RBMS3: variants seen among roughly 807,000 people sequenced by gnomAD.
RBMS3 encodes the protein RNA binding motif single stranded interacting protein 3, also known as RNA-binding motif, single-stranded-interacting protein 3.
RBMS3 carries 27 observed loss-of-function variants against 66.8 expected under a neutral mutation model. The observed-to-expected ratio is 0.40, with a 90% confidence interval of 0.30 to 0.56. RBMS3 has a LOEUF of 0.56. RBMS3 is among the 20% of genes least tolerant of loss of function. The pLI, the probability that RBMS3 is intolerant of heterozygous loss-of-function variation, is 0.40. For missense variants in RBMS3, 513 were observed against 549.5 expected, an observed-to-expected ratio of 0.93 and a Z score of 0.66; for synonymous variants, 188 against 183.0, an observed-to-expected ratio of 1.03 and a Z score of -0.22.
chr3:29,832,467 A>G (rs961436373), intron 6 of RBMS3, among the ~76,000 whole-genome samples: 4 of 151,224 alleles, frequency 2.6e-5, no homozygotes, highest in African/African-American at 9.7e-5. Context: ...CTGTTGGAGC[A>G]AAAGGTATCC....
intron 7 of RBMS3, among the ~76,000 whole-genome samples, chr3:29,877,726 TCTC>T (rs1187455725): frequency 6.6e-6 from 1 of 152,100 alleles, no homozygotes. Flanking sequence ...CATTCAGTAG[TCTC>T]CTGACTGTGC....
chr3:29,536,383 A>G (rs555447943), intron 3 of RBMS3, among the ~76,000 whole-genome samples: 89 of 152,254 alleles, frequency 5.8e-4, no homozygotes, highest in African/African-American at 2.0e-3. Flanking sequence ...AGACTGGCCA[A>G]AAAAAATTTA....
chr3:29,346,090 G>A (rs61380077), intron 1 of RBMS3, among the ~76,000 whole-genome samples: 3,659 of 152,250 alleles, frequency 0.024, 161 homozygotes, highest in African/African-American at 0.083. Context: ...GTGCAGCCAC[G>A]TTCAAGAAAC....
chr3:29,321,638 A>C (rs1342492680), intron 1 of RBMS3, among the ~76,000 whole-genome samples: 1 of 152,168 alleles, frequency 6.6e-6, no homozygotes, highest in Non-Finnish European at 1.5e-5. Context: ...GTTCTGTGTA[A>C]GATGAACACC....
chr3:29,421,969 CT>C, intron 1 of RBMS3, among the ~76,000 whole-genome samples: 1 of 152,178 alleles, frequency 6.6e-6, no homozygotes, highest in Non-Finnish European at 1.5e-5. Context: ...TATAAAAATG[CT>C]TTAGGATTTA....
At chr3:29,959,717 C>A (rs1055712461) in intron 12 of RBMS3, among the ~76,000 whole-genome samples, 1 of 152,166 alleles carries the variant, frequency 6.6e-6, no homozygotes, top group East Asian at 1.9e-4. Context: ...AACTTACAAT[C>A]GTGGTGGAAG....
At chr3:29,557,650 C>T (rs1264212148) in intron 3 of RBMS3, among the ~76,000 whole-genome samples, 1 of 152,176 alleles carries the variant, frequency 6.6e-6, no homozygotes, top group Non-Finnish European at 1.5e-5. Context: ...TGCAGTTCAG[C>T]TACAAATCTG....
At chr3:29,498,569 C>A (rs2043848052) in intron 3 of RBMS3, among the ~76,000 whole-genome samples, 1 of 152,100 alleles carries the variant, frequency 6.6e-6, no homozygotes, top group African/African-American at 2.4e-5. Context: ...CAAAAATTTT[C>A]TAATTGAAGT....
At position 29,357,992 on chromosome 3, in the gene RBMS3, C is replaced by T. The variant is rs578125995; in HGVS notation, c.75+76236C>T. 3.2e-3 allele frequency among the ~76,000 whole-genome samples: 485 copies of T among 152,036 alleles called. 1 individual carries two copies. The highest frequency in any genetic ancestry group is 0.011 in the African/African-American group (447 of 41,482). On this transcript the variant is annotated intron_variant, in intron 1 of 14. Coordinates refer to ENST00000383767, the MANE Select transcript of RBMS3 (RefSeq NM_001003793.3). ...TAGATTACAAAAATTTTCTCCTATTCTCTAGGTTGCCTGTTCACTCTGATG... is the reference window on the plus strand; with the variant it reads ...TAGATTACAAAAATTTTCTCCTATTTTCTAGGTTGCCTGTTCACTCTGATG...
In RBMS3 at chr3:29,944,197, T is replaced by C. The variant is rs376770149; in HGVS notation, c.1051-10T>C. 2 of 1,579,138 alleles carry C rather than the reference T, an allele frequency of 1.3e-6. No homozygotes were observed. Among genetic ancestry groups the C allele is most frequent in the Non-Finnish European group, 1.7e-6 (2 of 1,149,406 alleles). On this transcript the variant is annotated splice_polypyrimidine_tract_variant and intron_variant, in intron 11 of 14. Transcript: ENST00000383767. ...CATTGCATTCTTTCTCATGCTCTTT[T>C]CATTCAAAGATTCAATCCCAAGACA... is the stretch of plus-strand genomic sequence containing the variant.
chr3:29,284,251 G>A (rs1358898293), intron 1 of RBMS3, among the ~76,000 whole-genome samples: 3 of 152,054 alleles, frequency 2.0e-5, no homozygotes, highest in Non-Finnish European at 2.9e-5. Context: ...GATGAAAATA[G>A]AGTCTACGGT....
At chr3:29,495,990 A>AAGAAACCAACACCATGGAAAG (rs1214851309) in intron 3 of RBMS3, among the ~76,000 whole-genome samples, 1 of 152,134 alleles carries the variant, frequency 6.6e-6, no homozygotes, top group Non-Finnish European at 1.5e-5. Flanking sequence ...CTTTTCTAGT[A>AAGAAACCAACACCATGGAAAG]CCTTTATTTC....
chr3:29,894,886 G>A (rs978022904), intron 8 of RBMS3, among the ~76,000 whole-genome samples: 1 of 151,548 alleles, frequency 6.6e-6, no homozygotes, highest in African/African-American at 2.4e-5. Context: ...GGAGAAGTGA[G>A]CATTTTAGGT....
At chr3:29,509,776 C>A (rs1351088636) in intron 3 of RBMS3, among the ~76,000 whole-genome samples, 1 of 152,196 alleles carries the variant, frequency 6.6e-6, no homozygotes, top group African/African-American at 2.4e-5. Context: ...TTTCTTTATT[C>A]ATGTTTCACT....
At chr3:29,816,311 G>GACACACACACACACACACAC (rs66518208) in intron 6 of RBMS3, among the ~76,000 whole-genome samples, 1 of 69,048 alleles carries the variant, frequency 1.4e-5, no homozygotes, top group South Asian at 3.2e-4. Context: ...GACACACACA[G>GACACACACACACACACACAC]ACACACACAC....
chr3:29,562,038 CT>C lies in RBMS3; in HGVS notation c.308-25073del, dbSNP rs1411188045. ...GTATTAACTGATAATAAAGAGAAGCCTTTGTAAAGTTAGTGTTCTTTTTAAA... is the reference window on the plus strand; with the variant it reads ...GTATTAACTGATAATAAAGAGAAGCCTTGTAAAGTTAGTGTTCTTTTTAAA... On this transcript the variant is annotated intron_variant, in intron 3 of 14. Transcript: ENST00000383767. Among the ~76,000 whole-genome samples, 7 of 152,046 alleles carry C rather than the reference CT, an allele frequency of 4.6e-5. No homozygotes were observed. The East Asian group carries it at 1.2e-3, about 25-fold the overall frequency.
intron 1 of RBMS3, among the ~76,000 whole-genome samples, chr3:29,425,201 ACC>A (rs775593798): frequency 3.5e-4 from 36 of 102,520 alleles, no homozygotes; most frequent in South Asian, 1.1e-3. Flanking sequence ...AAAAAAAAAA[ACC>A]CCCCAAAAAA....
At chr3:29,869,904 G>A (rs1232515594) in intron 7 of RBMS3, among the ~76,000 whole-genome samples, 2 of 152,120 alleles carry the variant, frequency 1.3e-5, no homozygotes, top group African/African-American at 4.8e-5. Flanking sequence ...AATACTGACA[G>A]AACAGTGGTA....
chr3:29,877,972 G>C (rs2059648433), intron 7 of RBMS3, among the ~76,000 whole-genome samples: 1 of 152,118 alleles, frequency 6.6e-6, no homozygotes, highest in African/African-American at 2.4e-5. Flanking sequence ...ATCATTCTTG[G>C]CATTAGGAAC....
Sources: allele counts gnomAD v4.1 joint callset (sites outside exome capture counted in the v4.1 genomes callset), GRCh38; gene constraint gnomAD v4.1.1; transcripts MANE v1.5; gene names NCBI Gene and HGNC (gene_info 2026-07-23, HGNC 2026-07-21).